Variants in GOLPH3 observed in about 807,000 individuals in gnomAD.
The protein encoded by GOLPH3 is coat protein GPP34.
In GOLPH3, 14 loss-of-function variants were observed where a neutral mutation model predicts 28.5. The observed-to-expected ratio is 0.49, with a 90% CI of 0.32 to 0.77. The LOEUF (loss-of-function observed/expected upper bound fraction) is 0.77, where lower values mean the gene tolerates loss of function less well. GOLPH3 is among the 30% of genes least tolerant of loss of function. The probability of loss-of-function intolerance (pLI) is 0.03; values close to 1 mark genes in which losing one functional copy is unlikely to be tolerated. For synonymous variants in GOLPH3, 158 were observed against 159.2 expected (o/e 0.99, Z 0.06); for missense variants, 350 against 393.7 (o/e 0.89, Z 0.94).
intron 1 of GOLPH3, among the ~76,000 whole-genome samples, chr5:32,154,502 C>T (rs1746375549): frequency 6.6e-6 from 1 of 152,190 alleles, no homozygotes; most frequent in African/African-American, 2.4e-5. Flanking sequence ...GTGACAAACT[C>T]ACAGATACTA....
chr5:32,151,268 C>T lies in GOLPH3; in HGVS notation c.226-7388G>A, dbSNP rs965671190. On this transcript the variant is annotated intron_variant, in intron 1 of 3. Transcript: ENST00000265070. The stretch of plus-strand genomic sequence containing the variant: ...GAGGCCAGGCACAGTGGCTTACACC[C>T]GTAATCCCAGCACTTTGGGAGGCAA... Among the ~76,000 whole-genome samples, 5 of 151,024 alleles carry T rather than the reference C, an allele frequency of 3.3e-5. 1 individual carries two copies. Among genetic ancestry groups the T allele is most frequent in the African/African-American group, 7.3e-5 (3 of 41,080 alleles).
At chr5:32,164,590 C>A (rs1014570706) in intron 1 of GOLPH3, among the ~76,000 whole-genome samples, 1 of 151,930 alleles carries the variant, frequency 6.6e-6, no homozygotes, top group Admixed American at 6.6e-5. Flanking sequence ...TACAGACAGG[C>A]TTTCACCATG....
chr5:32,173,596 T>C (rs913200280), intron 1 of GOLPH3: 6 of 369,916 alleles, frequency 1.6e-5, no homozygotes, highest in Middle Eastern at 7.1e-4. Flanking sequence ...CCAAGCCATC[T>C]CTACGGGGAG....
intron 1 of GOLPH3, among the ~76,000 whole-genome samples, chr5:32,161,193 AGGAATTTGAG>A (rs781166946): frequency 1.2e-4 from 18 of 151,014 alleles, no homozygotes; most frequent in Admixed American, 2.6e-4. Context: ...ACTTGAGCCC[AGGAATTTGAG>A]ACCAACTTGG....
chr5:32,144,813 A>G (rs1746154516), intron 1 of GOLPH3, among the ~76,000 whole-genome samples: 1 of 152,224 alleles, frequency 6.6e-6, no homozygotes, highest in Admixed American at 6.5e-5. Flanking sequence ...AGCAGGCATC[A>G]CCAGATGAGG....
intron 1 of GOLPH3, among the ~76,000 whole-genome samples, chr5:32,153,435 T>A (rs887965912): frequency 2.0e-5 from 3 of 148,092 alleles, no homozygotes; most frequent in Non-Finnish European, 3.0e-5. Context: ...AAAAAAAAAC[T>A]CCTGAAGAAT....
intron 2 of GOLPH3, among the ~76,000 whole-genome samples, chr5:32,137,169 G>A (rs1018857558): frequency 6.6e-6 from 1 of 151,500 alleles, no homozygotes; most frequent in Non-Finnish European, 1.5e-5. Context: ...ATGTTGGTCA[G>A]GCTGGTCTCA....
intron 2 of GOLPH3, among the ~76,000 whole-genome samples, chr5:32,138,068 TA>T (rs923344681): frequency 6.6e-6 from 1 of 152,008 alleles, no homozygotes; most frequent in Admixed American, 6.6e-5. Flanking sequence ...CGCATCCGGG[TA>T]ATTTTTGTAT....
At chr5:32,128,251 G>A (rs932922464) in intron 3 of GOLPH3, among the ~76,000 whole-genome samples, 2 of 152,196 alleles carry the variant, frequency 1.3e-5, no homozygotes, top group African/African-American at 4.8e-5. Flanking sequence ...TAGCCAGAGA[G>A]CAAAAGCCTC....
intron 1 of GOLPH3, among the ~76,000 whole-genome samples, chr5:32,160,843 G>A (rs543368791): frequency 6.6e-5 from 10 of 152,248 alleles, no homozygotes; most frequent in Middle Eastern, 3.4e-3. Context: ...CAAGGCGGGC[G>A]GACCACGAGG....
chr5:32,158,091 A>T (rs1224736472), intron 1 of GOLPH3, among the ~76,000 whole-genome samples: 7 of 43,282 alleles, frequency 1.6e-4, no homozygotes, highest in African/African-American at 6.8e-4. Flanking sequence ...ACTCTGTCTC[A>T]AAATAAATAA....
chr5:32,140,574 G>A (rs898184425), intron 2 of GOLPH3, among the ~76,000 whole-genome samples: 1 of 151,074 alleles, frequency 6.6e-6, no homozygotes, highest in East Asian at 2.0e-4. Context: ...CAGGAGAATC[G>A]CTTGAGGCTG....
intron 1 of GOLPH3, among the ~76,000 whole-genome samples, chr5:32,149,060 T>C (rs997835690): frequency 1.3e-5 from 2 of 152,200 alleles, no homozygotes; most frequent in African/African-American, 4.8e-5. Context: ...CTCCTGAGTA[T>C]CTGAACTTGC....
chr5:32,168,575 A>G (rs1363436872), intron 1 of GOLPH3, among the ~76,000 whole-genome samples: 1 of 152,186 alleles, frequency 6.6e-6, no homozygotes, highest in East Asian at 1.9e-4. Flanking sequence ...GAAACTCACA[A>G]CACTGAAAGA....
chr5:32,173,146 A>T (rs1292908604), intron 1 of GOLPH3, among the ~76,000 whole-genome samples: 4 of 152,174 alleles, frequency 2.6e-5, no homozygotes, highest in Non-Finnish European at 2.9e-5. Context: ...CAAGACTTTG[A>T]GATTCATCAA....
intron 1 of GOLPH3, among the ~76,000 whole-genome samples, chr5:32,144,856 G>A (rs1260158801): frequency 6.6e-6 from 1 of 152,184 alleles, no homozygotes; most frequent in Non-Finnish European, 1.5e-5. Context: ...AACTGGGGTT[G>A]TTCAAATTAT....
At chr5:32,150,432 A>G (rs1268915540) in intron 1 of GOLPH3, among the ~76,000 whole-genome samples, 1 of 151,680 alleles carries the variant, frequency 6.6e-6, no homozygotes, top group Non-Finnish European at 1.5e-5. Context: ...GAAAAAAAAA[A>G]AAAATAGCCA....
chr5:32,153,505 A>G (rs760166106), intron 1 of GOLPH3, among the ~76,000 whole-genome samples: 9 of 152,126 alleles, frequency 5.9e-5, no homozygotes, highest in Non-Finnish European at 1.3e-4. Flanking sequence ...TTAACTTTAG[A>G]ATACAGTATT....
chr5:32,156,850 C>T (rs1484004818), intron 1 of GOLPH3, among the ~76,000 whole-genome samples: 1 of 152,172 alleles, frequency 6.6e-6, no homozygotes, highest in Non-Finnish European at 1.5e-5. Flanking sequence ...TAGTTCCTAA[C>T]AGGCCACAGA....
Sources: gnomAD v4.1 joint callset for allele counts (sites outside exome capture counted in the v4.1 genomes callset) on GRCh38, gnomAD v4.1.1 for gene constraint, MANE v1.5 for transcripts, NCBI Gene and HGNC (gene_info 2026-07-23, HGNC 2026-07-21) for gene names.